The following CFLAR variants were observed in gnomAD, a reference collection of about 807,000 sequenced individuals.
The protein encoded by CFLAR is CASP8 and FADD-like apoptosis regulator.
Under a neutral mutation model 51.1 loss-of-function variants are expected in CFLAR, and 14 were observed. The ratio of observed to expected loss-of-function variants is 0.27; its 90% confidence interval spans 0.18 to 0.43. CFLAR has a LOEUF of 0.43. Among genes scored for constraint, CFLAR ranks in the 20% least tolerant of loss-of-function variants. The pLI is 1.00. For synonymous variants in CFLAR, 210 were observed against 211.6 expected (o/e 0.99, Z 0.06); for missense variants, 390 against 566.5 (o/e 0.69, Z 3.16).
In CFLAR at chr2:201,138,605, G is replaced by A. The variant is rs183808323; in HGVS notation, c.524-1752G>A. ...AGGTGACGATGCCCACCAGCTTGCTGCCCATGGTACCCGTCTCAGTGATGG... is the reference window on the plus strand; with the variant it reads ...AGGTGACGATGCCCACCAGCTTGCTACCCATGGTACCCGTCTCAGTGATGG... On this transcript the variant is annotated intron_variant, in intron 4 of 9. Transcript: ENST00000309955. The surrounding 1 kb of genome is among the most constrained non-coding windows in gnomAD (Gnocchi z 4.0). 4.0e-5 allele frequency: 63 copies of A among 1,587,242 alleles called. No homozygotes were observed. In the African/African-American group the frequency reaches 6.4e-4, roughly 16 times the overall value.
intron 1 of CFLAR, among the ~76,000 whole-genome samples, chr2:201,119,960 T>C (rs2048022911): frequency 6.6e-6 from 1 of 151,684 alleles, no homozygotes; most frequent in Non-Finnish European, 1.5e-5. Flanking sequence ...TTTTTTAAAA[T>C]TGTGTTTATT....
rs549585062 is a variant in CFLAR, at chr2:201,168,432, A to G, written c.*4459A>G. 2.4e-4 allele frequency: 36 copies of G among 152,274 alleles called. No individual in the cohort carries two copies. Among genetic ancestry groups the G allele is most frequent in the African/African-American group, 7.5e-4 (31 of 41,552 alleles). 9.4% of individuals were successfully genotyped at this position (152,274 alleles called of 1,614,324 possible). On this transcript the variant is annotated 3_prime_UTR_variant, in exon 10 of 10. Transcript: ENST00000309955. ...CTTCAATAAAATTCAACGTTGCTTC[A>G]TGTTAAAAACTCTCAATAAACTAGG...
intron 2 of CFLAR, 74 bp from the exon 3 acceptor site, chr2:201,132,955 G>C: frequency 2.6e-6 from 4 of 1,526,562 alleles, no homozygotes; most frequent in Middle Eastern, 1.7e-4. Flanking sequence ...TTGTTGCATA[G>C]GGGAGGCGTG....
In CFLAR at chr2:201,124,712, C is replaced by T. The variant is rs939489847; in HGVS notation, c.-137-5017C>T. Among the ~76,000 whole-genome samples the T allele has an allele frequency of 6.6e-6, 1 of 152,108 alleles. No individual in the cohort carries two copies. Among genetic ancestry groups the T allele is most frequent in the African/African-American group, 2.4e-5 (1 of 41,408 alleles). On this transcript the variant is annotated intron_variant, in intron 1 of 9. Transcript: ENST00000309955. This position sits in a 1 kb window ranked among gnomAD's most constrained non-coding sequence, Gnocchi z 4.7. ...AGGGTGAGGTCTAAAGCAGGGGGAACAGAATGGCTAGGGGAATGAGTTTGG... is the reference window on the plus strand; with the variant it reads ...AGGGTGAGGTCTAAAGCAGGGGGAATAGAATGGCTAGGGGAATGAGTTTGG...
rs1187373185 is a variant in CFLAR at position 201,171,784 on chromosome 2, C to T, written c.*7811C>T. 6.6e-6 allele frequency: 1 copy of T among 152,116 alleles called. No homozygotes were observed. Among genetic ancestry groups the T allele is most frequent in the Non-Finnish European group, 1.5e-5 (1 of 68,020 alleles). The allele number at this position is 152,116 out of a possible 1,614,324, so 9.4% of individuals were successfully genotyped here. A position where few individuals can be genotyped will look rare whatever the true frequency, so the allele number is the denominator to read the frequency against. On this transcript the variant is annotated 3_prime_UTR_variant, in exon 10 of 10. Transcript: ENST00000309955. ...GTCTAGTTGGTATCTTCATTTTCAG[C>T]TTCTTCAAGATCCCACTCCAAACAC...
chr2:201,123,395 T>G (rs1209320354), intron 1 of CFLAR, among the ~76,000 whole-genome samples: 1 of 152,176 alleles, frequency 6.6e-6, no homozygotes, highest in Non-Finnish European at 1.5e-5. Context: ...AAGTCCAAGA[T>G]CAAGGTGCTG....
intron 4 of CFLAR, chr2:201,137,793 C>T (rs1438594189): frequency 3.4e-6 from 4 of 1,173,678 alleles, no homozygotes; most frequent in Non-Finnish European, 5.1e-6. Flanking sequence ...GCTGCTGCTG[C>T]TCTTCTCCAT....
intron 7 of CFLAR, 25 bp from the exon 8 acceptor site, chr2:201,149,729 T>C (rs1940928356): frequency 6.4e-7 from 1 of 1,569,744 alleles, no homozygotes; most frequent in African/African-American, 1.4e-5. Context: ...CCAGAGTCTT[T>C]AGCATTTCTT....
In CFLAR at chr2:201,163,821, CT is replaced by C. The variant is rs1372246195; in HGVS notation, c.1305-12del. 5 of 1,599,322 alleles carry C rather than the reference CT, an allele frequency of 3.1e-6. No homozygotes were observed. The South Asian group carries it at 4.5e-5, about 14-fold the overall frequency. Reference sequence around the variant, plus strand: ...TTGCATGGCATTAAATTTTGCCTTTCTTGTTTTCTCCAGAAAACGCCCACTC... The same window carrying C: ...TTGCATGGCATTAAATTTTGCCTTTCTGTTTTCTCCAGAAAACGCCCACTC... On this transcript the variant is annotated splice_polypyrimidine_tract_variant and intron_variant, in intron 9 of 9. Transcript: ENST00000309955.
chr2:201,118,586 T>C lies in CFLAR; in HGVS notation c.-138+2105T>C, dbSNP rs971545963. On this transcript the variant is annotated intron_variant, in intron 1 of 9. Coordinates refer to ENST00000309955, the MANE Select transcript of CFLAR (RefSeq NM_003879.7). The surrounding 1 kb of genome is among the most constrained non-coding windows in gnomAD (Gnocchi z 5.1). ...ATTTTACCACCCAGAGACACGCGAG[T>C]GGCCCTGTGCAAGTTTCAACTGCGC... is the stretch of plus-strand genomic sequence containing the variant. 1 of 151,990 alleles carries C rather than the reference T, an allele frequency of 6.6e-6. No homozygotes were observed. The highest frequency in any genetic ancestry group is 6.6e-5 in the Admixed American group (1 of 15,246). 9.4% of individuals were successfully genotyped at this position (151,990 alleles called of 1,614,324 possible).
At chr2:201,134,700 A>G (rs1207835272) in intron 3 of CFLAR, among the ~76,000 whole-genome samples, 1 of 151,634 alleles carries the variant, frequency 6.6e-6, no homozygotes, top group Non-Finnish European at 1.5e-5. Context: ...ATAAAATAAA[A>G]TAACATTCTA....
rs1356257595 is a variant in CFLAR at position 201,116,318 on chromosome 2, G to C, written c.-301G>C. The C allele has an allele frequency of 6.6e-6, 1 of 152,312 alleles. No homozygotes were observed. 9.4% of individuals were successfully genotyped at this position (152,312 alleles called of 1,614,324 possible). On this transcript the variant is annotated 5_prime_UTR_variant, in exon 1 of 10. Transcript: ENST00000309955. This position sits in a 1 kb window ranked among gnomAD's most constrained non-coding sequence, Gnocchi z 4.8. ...TGACAGCTGAGACAACAAGGACCAC[G>C]GGAGGAGGTGTAGGAGAGAAGCGCC...
chr2:201,130,502 C>T (rs1431718305), intron 2 of CFLAR, among the ~76,000 whole-genome samples: 2 of 151,804 alleles, frequency 1.3e-5, no homozygotes, highest in Non-Finnish European at 2.9e-5. Context: ...CTTGGGACTA[C>T]AGGCGTGCGC....
At chr2:201,162,173 G>T (rs1943116739) in intron 9 of CFLAR, among the ~76,000 whole-genome samples, 1 of 152,032 alleles carries the variant, frequency 6.6e-6, no homozygotes, top group Non-Finnish European at 1.5e-5. Context: ...GCACACCTCG[G>T]CTTACTGCAA....
intron 4 of CFLAR, chr2:201,137,550 T>C (rs1176849550): frequency 1.4e-6 from 1 of 699,380 alleles, no homozygotes; most frequent in African/African-American, 1.7e-5. Context: ...GTGCAGGCCA[T>C]GGATGCCACC....
chr2:201,163,587 C>T (rs565883435), intron 9 of CFLAR: 4 of 1,286,072 alleles, frequency 3.1e-6, no homozygotes, highest in Non-Finnish European at 3.9e-6. Context: ...CATAGATGAT[C>T]CACGTGGGTT....
rs1204651918 is a variant in CFLAR at position 201,116,576 on chromosome 2, GCCCTGCGCCGCCGCGCCCCGCGTCCCA to G, written c.-138+99_-138+125del. On this transcript the variant is annotated intron_variant, in intron 1 of 9. Coordinates refer to ENST00000309955, the MANE Select transcript of CFLAR (RefSeq NM_003879.7). This position sits in a 1 kb window ranked among gnomAD's most constrained non-coding sequence, Gnocchi z 4.8. ...CGGCCCTGAGTCAGCATTGCAGCAG[GCCCTGCGCCGCCGCGCCCCGCGTCCCA>G]CCCCGCGCCGCTCCTCACAGCCCTG... 6.5e-6 allele frequency: 1 copy of G among 153,406 alleles called. No individual in the cohort carries two copies. Among genetic ancestry groups the G allele is most frequent in the Non-Finnish European group, 1.4e-5 (1 of 69,072 alleles). The allele number at this position is 153,406 out of a possible 1,614,324, so 9.5% of individuals were successfully genotyped here. A position where few individuals can be genotyped will look rare whatever the true frequency, so the allele number is the denominator to read the frequency against.
chr2:201,140,318 T>C (rs762513008), intron 4 of CFLAR, 39 bp from the exon 5 acceptor site: 4 of 1,584,780 alleles, frequency 2.5e-6, no homozygotes, highest in Non-Finnish European at 3.4e-6. Flanking sequence ...GATAATAATT[T>C]GTAAGTTTTA....
chr2:201,146,156 CT>C (rs1447176049), intron 6 of CFLAR: 1 of 150,026 alleles, frequency 6.7e-6, no homozygotes, highest in Non-Finnish European at 1.5e-5. Flanking sequence ...CTTTTCTTTT[CT>C]TTTTTTTGAG....
Sources: gnomAD v4.1 joint callset for allele counts (sites outside exome capture counted in the v4.1 genomes callset) on GRCh38, gnomAD v4.1.1 for gene constraint, Gnocchi (gnomAD v3.1) non-coding constraint, MANE v1.5 for transcripts, NCBI Gene and HGNC (gene_info 2026-07-23, HGNC 2026-07-21) for gene names.